Variants in PDE11A observed in about 807,000 individuals in gnomAD.
PDE11A encodes dual 3',5'-cyclic-AMP and -GMP phosphodiesterase 11A.
Under a neutral mutation model 100.5 loss-of-function variants are expected in PDE11A, and 100 were observed. The observed-to-expected ratio is 1.00, with a 90% CI of 0.85 to 1.18. The LOEUF is 1.18. Among genes scored for constraint, PDE11A ranks in the 50% most tolerant of loss-of-function variants. The probability of loss-of-function intolerance (pLI) is 0.00; values close to 1 mark genes in which losing one functional copy is unlikely to be tolerated. For missense variants in PDE11A, 1,141 were observed against 1,152.6 expected, an observed-to-expected ratio of 0.99 and a Z score of 0.15; for synonymous variants, 381 against 420.8, an observed-to-expected ratio of 0.91 and a Z score of 1.16.
chr2:177,955,659 A>G (rs369716754), intron 2 of PDE11A, among the ~76,000 whole-genome samples: 125 of 152,316 alleles, frequency 8.2e-4, no homozygotes, highest in African/African-American at 2.9e-3. Flanking sequence ...ACTTCAAACT[A>G]TACTACAAGG....
chr2:177,723,981 ATTT>A (rs2081565642), intron 12 of PDE11A, among the ~76,000 whole-genome samples: 1 of 152,080 alleles, frequency 6.6e-6, no homozygotes, highest in African/African-American at 2.4e-5. Flanking sequence ...GTTATAATTT[ATTT>A]ATTATGTATG....
intron 10 of PDE11A, among the ~76,000 whole-genome samples, chr2:177,733,257 C>A (rs1476827051): frequency 6.6e-6 from 1 of 152,156 alleles, no homozygotes; most frequent in Non-Finnish European, 1.5e-5. Flanking sequence ...GAATTAATAG[C>A]CAGAAAATAA....
rs1163066637 is a variant in PDE11A at position 177,623,775 on chromosome 2, T to C, written c.*5632A>G. 6.6e-6 allele frequency: 1 copy of C among 151,950 alleles called. No homozygotes were observed. Among genetic ancestry groups the C allele is most frequent in the Non-Finnish European group, 1.5e-5 (1 of 68,018 alleles). 9.4% of individuals were successfully genotyped at this position (151,950 alleles called of 1,614,324 possible). A position where few individuals can be genotyped will look rare whatever the true frequency, so the allele number is the denominator to read the frequency against. On this transcript the variant is annotated 3_prime_UTR_variant, in exon 20 of 20. Coordinates refer to ENST00000286063, the MANE Select transcript of PDE11A (RefSeq NM_016953.4). ...ATTTGTGTACTAGCGTATACAAAAATGACATTGGTGTAGTTATGTTATACA... is the reference window on the plus strand; with the variant it reads ...ATTTGTGTACTAGCGTATACAAAAACGACATTGGTGTAGTTATGTTATACA...
chr2:177,692,619 A>G (rs1317243603), intron 15 of PDE11A, among the ~76,000 whole-genome samples: 1 of 152,224 alleles, frequency 6.6e-6, no homozygotes, highest in Non-Finnish European at 1.5e-5. Flanking sequence ...AAATCATTTC[A>G]GAAAGTTGCT....
At chr2:178,014,543 T>G in intron 1 of PDE11A, 83 bp from the exon 2 acceptor site, 1 of 1,053,514 alleles carries the variant, frequency 9.5e-7, no homozygotes, top group Non-Finnish European at 1.4e-6. Flanking sequence ...CTGCATATGA[T>G]ACCTTATCAC....
chr2:178,051,897 C>T lies in PDE11A; in HGVS notation c.912+19629G>A, dbSNP rs551291957. On this transcript the variant is annotated intron_variant, in intron 1 of 19. Coordinates refer to ENST00000286063, the MANE Select transcript of PDE11A (RefSeq NM_016953.4). ...AGAGACCTACAAAGAGACTTAGATTCCCACACAATAATAATGGGAGACTTT... is the reference window on the plus strand; with the variant it reads ...AGAGACCTACAAAGAGACTTAGATTTCCACACAATAATAATGGGAGACTTT... Among the ~76,000 whole-genome samples the T allele has an allele frequency of 8.5e-5, 13 of 152,212 alleles. No homozygotes were observed. In the East Asian group the frequency reaches 2.5e-3, roughly 29 times the overall value.
chr2:177,687,429 T>A (rs1169113970), intron 15 of PDE11A: 1 of 152,224 alleles, frequency 6.6e-6, no homozygotes, highest in Non-Finnish European at 1.5e-5. Flanking sequence ...GTCATCATAG[T>A]GTATGTATTC....
upstream of PDE11A, among the ~76,000 whole-genome samples, chr2:178,075,592 G>A (rs998156305): frequency 2.8e-5 from 4 of 144,352 alleles, no homozygotes; most frequent in Admixed American, 1.4e-4. Flanking sequence ...AACAGCTCAA[G>A]CTAACCTCAA....
chr2:177,716,535 A>T (rs2081439548), intron 12 of PDE11A, among the ~76,000 whole-genome samples: 1 of 152,076 alleles, frequency 6.6e-6, no homozygotes, highest in African/African-American at 2.4e-5. Flanking sequence ...TTATTTGAGG[A>T]TGATTTTTGA....
intron 5 of PDE11A, among the ~76,000 whole-genome samples, chr2:177,853,694 GTGTGTGTGTGTGTGTGTGTT>G (rs1481260762): frequency 0.039 from 1,446 of 36,822 alleles, 85 homozygotes; most frequent in African/African-American, 0.092. Context: ...GTGTGTGTGT[GTGTGTGTGTGTGTGTGTGTT>G]TGTGTGTGTG....
At chr2:178,085,184 T>C (rs1032836305) in intron 2 of PDE11A, among the ~76,000 whole-genome samples, 1 of 152,160 alleles carries the variant, frequency 6.6e-6, no homozygotes, top group Non-Finnish European at 1.5e-5. Context: ...AATTGGTACC[T>C]AGACGTGAGG....
At chr2:177,829,561 A>C (rs2083278278) in intron 6 of PDE11A, among the ~76,000 whole-genome samples, 1 of 151,496 alleles carries the variant, frequency 6.6e-6, no homozygotes, top group South Asian at 2.1e-4. Flanking sequence ...CTCCTGCCTC[A>C]GCCTCCTGAG....
At chr2:177,934,018 T>C (rs191379602) in intron 2 of PDE11A, among the ~76,000 whole-genome samples, 5 of 152,274 alleles carry the variant, frequency 3.3e-5, no homozygotes, top group Admixed American at 1.3e-4. Flanking sequence ...AACTTCAAAC[T>C]GTAAGAATCC....
At chr2:177,631,629 G>GTATATATATACATATATGTGTGTA (rs2079949308) in intron 19 of PDE11A, among the ~76,000 whole-genome samples, 1 of 109,314 alleles carries the variant, frequency 9.1e-6, no homozygotes, top group South Asian at 3.1e-4. Flanking sequence ...ATATGTGTGT[G>GTATATATATACATATATGTGTGTA]TATATATATA....
intron 1 of PDE11A, among the ~76,000 whole-genome samples, chr2:178,015,574 A>G (rs2086324750): frequency 6.6e-6 from 1 of 152,198 alleles, no homozygotes; most frequent in Admixed American, 6.5e-5. Flanking sequence ...CTGGAGGGAC[A>G]ATTGGAGAAA....
chr2:177,876,904 A>G (rs1308568900), intron 4 of PDE11A, among the ~76,000 whole-genome samples: 1 of 148,302 alleles, frequency 6.7e-6, no homozygotes, highest in South Asian at 2.2e-4. Flanking sequence ...ACAGGAGAAC[A>G]AGCATACAAA....
intron 1 of PDE11A, among the ~76,000 whole-genome samples, chr2:178,066,972 G>C (rs998040860): frequency 6.6e-6 from 1 of 151,956 alleles, no homozygotes; most frequent in East Asian, 1.9e-4. Context: ...TTATGTAGCT[G>C]GCCCTACTTA....
chr2:177,697,805 A>G (rs1432576697), intron 14 of PDE11A, among the ~76,000 whole-genome samples: 1 of 152,196 alleles, frequency 6.6e-6, no homozygotes, highest in African/African-American at 2.4e-5. Flanking sequence ...CCTAAAATAA[A>G]TGCTATTTTC....
At position 177,647,174 on chromosome 2, in the gene PDE11A, A is replaced by T. The variant is rs2080234801; in HGVS notation, c.2646+16692T>A. 1.3e-5 allele frequency among the ~76,000 whole-genome samples: 2 copies of T among 152,212 alleles called. 1 individual carries two copies. The highest frequency in any genetic ancestry group is 4.8e-5 in the African/African-American group (2 of 41,452). On this transcript the variant is annotated intron_variant, in intron 19 of 19. Coordinates refer to ENST00000286063, the MANE Select transcript of PDE11A (RefSeq NM_016953.4). ...TGTTTTCTGCTAATACCATCACCTG[A>T]AATTTCATAGAAATATATAAAACTA...
Sources: gnomAD v4.1 joint callset for allele counts (sites outside exome capture counted in the v4.1 genomes callset) on GRCh38, gnomAD v4.1.1 for gene constraint, MANE v1.5 for transcripts, NCBI Gene and HGNC (gene_info 2026-07-23, HGNC 2026-07-21) for gene names.